HAVCR1: variants seen among roughly 807,000 people sequenced by gnomAD.
The protein encoded by HAVCR1 is hepatitis A virus cellular receptor 1, also known as T cell immunoglobin domain and mucin domain protein 1.
A neutral mutation model predicts 32.0 loss-of-function variants in HAVCR1; 34 were observed. The observed-to-expected ratio is 1.06, with a 90% CI of 0.81 to 1.42. The LOEUF is 1.42. HAVCR1 is among the 40% of genes most tolerant of loss of function. HAVCR1 has a pLI of 0.00. For missense variants in HAVCR1, 420 were observed against 442.3 expected (o/e 0.95, Z 0.45); for synonymous variants, 178 against 170.3 (o/e 1.05, Z -0.35).
intron 8 of HAVCR1, among the ~76,000 whole-genome samples, chr5:157,030,459 G>A (rs917050061): frequency 1.3e-5 from 2 of 152,122 alleles, no homozygotes; most frequent in South Asian, 2.1e-4. Context: ...TGAGGCCAGC[G>A]TGAGCAACAT....
intron 6 of HAVCR1, among the ~76,000 whole-genome samples, chr5:157,038,623 C>A (rs2113515498): frequency 6.6e-6 from 1 of 152,276 alleles, no homozygotes; most frequent in South Asian, 2.1e-4. Context: ...AGCATTTGAG[C>A]CATGCTTGCT....
chr5:157,032,913 G>A (rs761687646), intron 7 of HAVCR1, 26 bp from the exon 8 acceptor site: 2 of 1,443,322 alleles, frequency 1.4e-6, no homozygotes, highest in South Asian at 1.3e-5. Flanking sequence ...GGGGAGAGAG[G>A]AGTTGAAGAG....
chr5:157,033,133 T>A (rs1754271773), intron 7 of HAVCR1, among the ~76,000 whole-genome samples: 1 of 149,360 alleles, frequency 6.7e-6, no homozygotes, highest in South Asian at 2.1e-4. Context: ...CTAACTTTAA[T>A]GCAATTCTTA....
chr5:157,068,299 C>T, the HAVCR1 span, among the ~76,000 whole-genome samples: 235 of 151,800 alleles, frequency 1.5e-3, 2 homozygotes, highest in African/African-American at 5.4e-3. Context: ...AAGTCAGCAG[C>T]AAGGCTGGGT....
At position 157,055,563 on chromosome 5, in the gene HAVCR1, G is replaced by A. The variant is rs779679396; in HGVS notation, c.47-30C>T. Reference sequence around the variant, plus strand: ...AAAGAAGAAAAGACAAACTGAGAATGAGCCCTCACTATTTCATCTTGGCTG... The same window carrying A: ...AAAGAAGAAAAGACAAACTGAGAATAAGCCCTCACTATTTCATCTTGGCTG... On this transcript the variant is annotated intron_variant, in intron 2 of 8. Coordinates refer to ENST00000523175, the MANE Select transcript of HAVCR1 (RefSeq NM_001173393.3). 13 of 1,343,474 alleles carry A rather than the reference G, an allele frequency of 9.7e-6. No individual in the cohort carries two copies. The East Asian group carries it at 2.5e-4, about 26-fold the overall frequency. The allele number at this position is 1,343,474 out of a possible 1,614,324, so 83.2% of individuals were successfully genotyped here. A position where few individuals can be genotyped will look rare whatever the true frequency, so the allele number is the denominator to read the frequency against.
chr5:157,065,965 A>T, the HAVCR1 span, among the ~76,000 whole-genome samples: 225 of 150,538 alleles, frequency 1.5e-3, 1 homozygote, highest in African/African-American at 4.9e-3. Flanking sequence ...CTGAGGCAGG[A>T]GAATGGCGTG....
chr5:157,029,571 G>C lies in HAVCR1; in HGVS notation c.*162C>G, dbSNP rs1754041730. 2 of 1,524,938 alleles carry C rather than the reference G, an allele frequency of 1.3e-6. No individual in the cohort carries two copies. The highest frequency in any genetic ancestry group is 2.7e-5 in the African/African-American group (2 of 72,764). 94.5% of individuals were successfully genotyped at this position (1,524,938 alleles called of 1,614,324 possible). A position where few individuals can be genotyped will look rare whatever the true frequency, so the allele number is the denominator to read the frequency against. On this transcript the variant is annotated 3_prime_UTR_variant, in exon 9 of 9. Transcript: ENST00000523175. ...TGATGAGGTTGACTATACACAGTTT[G>C]GAGTGAGAGAGTTACTCTACCCAGT...
chr5:157,041,322 A>C (rs2113531971), intron 6 of HAVCR1, among the ~76,000 whole-genome samples: 1 of 152,140 alleles, frequency 6.6e-6, no homozygotes, highest in East Asian at 1.9e-4. Flanking sequence ...ACATGATGAA[A>C]CCTCATCTCT....
upstream of HAVCR1, among the ~76,000 whole-genome samples, chr5:157,059,425 C>T (rs1330039984): frequency 1.3e-5 from 2 of 152,160 alleles, no homozygotes; most frequent in Admixed American, 6.5e-5. Flanking sequence ...CCTGTAACCC[C>T]AGCACTTTGG....
chr5:157,033,154 CA>C (rs1754273445), intron 7 of HAVCR1, among the ~76,000 whole-genome samples: 1 of 129,804 alleles, frequency 7.7e-6, no homozygotes, highest in South Asian at 2.3e-4. Flanking sequence ...AATTATCTTT[CA>C]TTTTTTTAAA....
In HAVCR1 at chr5:157,052,412, CAGT is replaced by C. The variant is rs1290964818; in HGVS notation, c.619_621del (p.Thr207del). 2 of 1,611,404 alleles carry C rather than the reference CAGT, an allele frequency of 1.2e-6. No individual in the cohort carries two copies. The highest frequency in any genetic ancestry group is 1.7e-6 in the Non-Finnish European group (2 of 1,179,474). Reference sequence around the variant, plus strand: ...GGCATTGGAGGAACAAAGGTAGAGACAGTTGTTGTCACTGGAACACTTGTTGTT... The same window carrying C: ...GGCATTGGAGGAACAAAGGTAGAGACTGTTGTCACTGGAACACTTGTTGTT... On this transcript the variant is annotated inframe_deletion, in exon 4 of 9. Coordinates refer to ENST00000523175, the MANE Select transcript of HAVCR1 (RefSeq NM_001173393.3).
At position 157,052,528 on chromosome 5, in the gene HAVCR1, G is replaced by A. The variant is rs374996907; in HGVS notation, c.506C>T (p.Thr169Ile). 1.8e-5 allele frequency: 29 copies of A among 1,594,728 alleles called. No individual in the cohort carries two copies. Among genetic ancestry groups the A allele is most frequent in the Non-Finnish European group, 2.5e-5 (29 of 1,170,782 alleles). ...AGTCGTTGTCGTTGGAATGCTCATT[G>A]TTGTTGGAACAGTTGTCGTTGGAAC... ...TTVPTTTVPT[T>I]MSIPTTTTVL... Residue 169 changes from threonine to isoleucine, a missense_variant, in exon 4 of 9, where the codon ACA (threonine) becomes ATA (isoleucine). By Grantham distance (89) the Thr-to-Ile change is moderately conservative. Transcript: ENST00000523175.
intron 6 of HAVCR1, among the ~76,000 whole-genome samples, chr5:157,040,293 T>C (rs556637016): frequency 1.3e-4 from 18 of 142,368 alleles, no homozygotes; most frequent in African/African-American, 4.4e-4. Context: ...AGTGAAACTC[T>C]GTCTCAAAAA....
At chr5:157,047,004 T>G (rs1755439169) in intron 5 of HAVCR1, among the ~76,000 whole-genome samples, 1 of 152,154 alleles carries the variant, frequency 6.6e-6, no homozygotes, top group Non-Finnish European at 1.5e-5. Flanking sequence ...TACATACATA[T>G]ATAGATAGAT....
At chr5:157,068,003 C>T in the HAVCR1 span, among the ~76,000 whole-genome samples, 1 of 150,756 alleles carries the variant, frequency 6.6e-6, no homozygotes, top group Non-Finnish European at 1.5e-5. Flanking sequence ...CAAAACAAAA[C>T]AGCCGGATGT....
At chr5:157,063,888 G>A (rs1756546077), upstream of HAVCR1, among the ~76,000 whole-genome samples, 1 of 152,218 alleles carries the variant, frequency 6.6e-6, no homozygotes, top group African/African-American at 2.4e-5. Flanking sequence ...CAGACAAGAA[G>A]GGCAAAGGCC....
intron 8 of HAVCR1, among the ~76,000 whole-genome samples, chr5:157,030,983 A>C (rs1019715904): frequency 6.7e-6 from 1 of 150,076 alleles, no homozygotes; most frequent in Admixed American, 6.8e-5. Context: ...TGTCATGAAG[A>C]AGTGTTCATA....
intron 6 of HAVCR1, among the ~76,000 whole-genome samples, chr5:157,037,990 G>C (rs1754639226): frequency 6.6e-6 from 1 of 150,620 alleles, no homozygotes; most frequent in South Asian, 2.1e-4. Flanking sequence ...CTGGGCAACA[G>C]AGTGAGACTC....
At chr5:157,067,429 ACACATGAGAC>A in the HAVCR1 span, among the ~76,000 whole-genome samples, 2 of 152,246 alleles carry the variant, frequency 1.3e-5, no homozygotes, top group Non-Finnish European at 2.9e-5. Flanking sequence ...ATAATTTCTA[ACACATGAGAC>A]TACTACAAAC....
Sources: allele counts gnomAD v4.1 joint callset (sites outside exome capture counted in the v4.1 genomes callset), GRCh38; gene constraint gnomAD v4.1.1; transcripts MANE v1.5; gene names NCBI Gene and HGNC (gene_info 2026-07-23, HGNC 2026-07-21).